Variants in PCDH15 observed in about 807,000 individuals in gnomAD.
PCDH15 encodes the protein protocadherin-15.
In PCDH15, 129 loss-of-function variants were observed where a neutral mutation model predicts 178.5. That is an observed-to-expected ratio of 0.72 (90% CI 0.63 to 0.84). PCDH15 has a LOEUF of 0.84. Among genes scored for constraint, PCDH15 ranks in the 40% least tolerant of loss-of-function variants. PCDH15 has a pLI of 0.00. For missense variants in PCDH15, 2,230 were observed against 2,099.9 expected (o/e 1.06, Z -1.21); for synonymous variants, 800 against 732.0 (o/e 1.09, Z -1.50).
At chr10:54,830,891 T>C (rs1311882278) in intron 3 of PCDH15, among the ~76,000 whole-genome samples, 1 of 152,056 alleles carries the variant, frequency 6.6e-6, no homozygotes, top group Non-Finnish European at 1.5e-5. Context: ...ACTTGTCTGC[T>C]TTCCTCAACT....
intron 21 of PCDH15, among the ~76,000 whole-genome samples, chr10:53,978,159 G>A (rs2134557459): frequency 6.6e-6 from 1 of 152,206 alleles, no homozygotes; most frequent in East Asian, 1.9e-4. Context: ...ACTCTGTGTG[G>A]GGGCTCCCAC....
intron 1 of PCDH15, among the ~76,000 whole-genome samples, chr10:55,258,660 C>T (rs889320215): frequency 6.0e-5 from 9 of 150,604 alleles, no homozygotes; most frequent in African/African-American, 9.8e-5. Flanking sequence ...AGTATAAATG[C>T]TAAGTATAAA....
At chr10:53,949,578 TA>T (rs565170306) in intron 23 of PCDH15, among the ~76,000 whole-genome samples, 2 of 151,974 alleles carry the variant, frequency 1.3e-5, no homozygotes, top group Non-Finnish European at 1.5e-5. Context: ...ACAAAATAAT[TA>T]AAAAAAAAAT....
chr10:54,480,184 G>T (rs1373088621), intron 3 of PCDH15, among the ~76,000 whole-genome samples: 3 of 152,050 alleles, frequency 2.0e-5, no homozygotes, highest in Non-Finnish European at 4.4e-5. Flanking sequence ...TGATAATTAT[G>T]AATAACAGCA....
intron 21 of PCDH15, among the ~76,000 whole-genome samples, chr10:53,982,337 T>A (rs1485000037): frequency 6.6e-6 from 1 of 152,126 alleles, no homozygotes; most frequent in Non-Finnish European, 1.5e-5. Context: ...CCCAAAGAAT[T>A]ATAAATCATT....
chr10:53,904,622 G>A lies in PCDH15; in HGVS notation c.3374-1252C>T, dbSNP rs371889957. On this transcript the variant is annotated intron_variant, in intron 25 of 37. Coordinates refer to ENST00000644397, the MANE Select transcript of PCDH15 (RefSeq NM_001384140.1). ...GAATCAAGAGGAAAATCATGCTAGC[G>A]CAACAGATTAGAGAACCAACAGCGA... Among the ~76,000 whole-genome samples, 124 of 152,130 alleles carry A rather than the reference G, an allele frequency of 8.2e-4. No individual in the cohort carries two copies. In the Middle Eastern group the frequency reaches 0.014, roughly 17 times the overall value.
chr10:54,726,306 A>G (rs1015138842), intron 1 of PCDH15, among the ~76,000 whole-genome samples: 4 of 151,738 alleles, frequency 2.6e-5, no homozygotes, highest in Middle Eastern at 3.4e-3. Context: ...TATTATAGAG[A>G]AACTATTTTG....
chr10:54,055,985 G>A (rs1413395740), intron 18 of PCDH15, among the ~76,000 whole-genome samples: 1 of 152,240 alleles, frequency 6.6e-6, no homozygotes, highest in East Asian at 1.9e-4. Context: ...TTTATAATGA[G>A]ACCAGATTCA....
At chr10:55,518,929 C>G (rs1275472181) in intron 2 of PCDH15, among the ~76,000 whole-genome samples, 1 of 151,540 alleles carries the variant, frequency 6.6e-6, no homozygotes, top group Non-Finnish European at 1.5e-5. Context: ...CCCGTCTCTA[C>G]TAAAAATACA....
chr10:53,897,395 GAATTA>G (rs138635327), intron 26 of PCDH15, among the ~76,000 whole-genome samples: 18 of 152,210 alleles, frequency 1.2e-4, no homozygotes, highest in African/African-American at 4.1e-4. Flanking sequence ...TCAAAGGAAT[GAATTA>G]AATTAAATAT....
chr10:54,405,066 A>G (rs946051507), intron 3 of PCDH15, among the ~76,000 whole-genome samples: 18 of 152,162 alleles, frequency 1.2e-4, no homozygotes, highest in Admixed American at 9.8e-4. Flanking sequence ...AGTGGAAATT[A>G]GTCCAACCAC....
At chr10:55,616,936 T>C (rs916521135) in intron 2 of PCDH15, among the ~76,000 whole-genome samples, 5 of 152,078 alleles carry the variant, frequency 3.3e-5, no homozygotes, top group Non-Finnish European at 5.9e-5. Context: ...ATGTTACATG[T>C]ATTATAATGT....
At chr10:54,672,681 A>G (rs1270449437) in intron 1 of PCDH15, among the ~76,000 whole-genome samples, 2 of 152,184 alleles carry the variant, frequency 1.3e-5, no homozygotes, top group Non-Finnish European at 2.9e-5. Flanking sequence ...TGCATTCCAT[A>G]TTGTTAATTA....
At chr10:55,151,523 T>G (rs1838712796) in intron 2 of PCDH15, among the ~76,000 whole-genome samples, 1 of 151,996 alleles carries the variant, frequency 6.6e-6, no homozygotes, top group South Asian at 2.1e-4. Context: ...TTTTCCAGTT[T>G]TGTGGTTTAT....
chr10:55,575,518 G>C (rs1019781265), intron 2 of PCDH15: 1 of 152,100 alleles, frequency 6.6e-6, no homozygotes, highest in Non-Finnish European at 1.5e-5. Context: ...ATAATTTTTA[G>C]AGAAAACTTA....
intron 1 of PCDH15, among the ~76,000 whole-genome samples, chr10:55,209,679 T>C (rs866863108): frequency 6.6e-6 from 1 of 152,006 alleles, no homozygotes; most frequent in African/African-American, 2.4e-5. Flanking sequence ...TACATAATGG[T>C]GGAAAAGAAC....
At chr10:54,879,100 G>A (rs1200897802) in intron 3 of PCDH15, among the ~76,000 whole-genome samples, 1 of 152,028 alleles carries the variant, frequency 6.6e-6, no homozygotes, top group Non-Finnish European at 1.5e-5. Flanking sequence ...GTTTGTGATT[G>A]AAAACTTTAG....
rs1841816829 is a variant in PCDH15, at chr10:55,543,823, C to T, written c.-156+83802G>A. On this transcript the variant is annotated intron_variant, in intron 2 of 5. Transcript: ENST00000613346. ...TACCATCAAATATCATTGTATTTTC[C>T]CAAAGTCTTATGTTTACTTTCTCTT... 4.6e-5 allele frequency among the ~76,000 whole-genome samples: 7 copies of T among 151,312 alleles called. No individual in the cohort carries two copies. The South Asian group carries it at 1.5e-3, about 32-fold the overall frequency.
At chr10:54,713,976 G>A (rs1235331292) in intron 1 of PCDH15, among the ~76,000 whole-genome samples, 1 of 152,100 alleles carries the variant, frequency 6.6e-6, no homozygotes, top group Non-Finnish European at 1.5e-5. Flanking sequence ...CCAATAGATT[G>A]TGATGAACAG....
Sources: gnomAD v4.1 joint callset for allele counts (sites outside exome capture counted in the v4.1 genomes callset) on GRCh38, gnomAD v4.1.1 for gene constraint, MANE v1.5 for transcripts, NCBI Gene and HGNC (gene_info 2026-07-23, HGNC 2026-07-21) for gene names.